WDR11: variants seen among roughly 807,000 people sequenced by gnomAD.
WDR11 encodes WD repeat domain 11.
A neutral mutation model predicts 151.2 loss-of-function variants in WDR11; 83 were observed. That is an observed-to-expected ratio of 0.55 (90% CI 0.46 to 0.66). The LOEUF is 0.66. Ranked by LOEUF, WDR11 falls within the 30% of genes least tolerant of loss-of-function variation. WDR11 has a pLI of 0.00. For missense variants in WDR11, 1,301 were observed against 1,480.9 expected, an observed-to-expected ratio of 0.88 and a Z score of 1.99; for synonymous variants, 484 against 533.1, an observed-to-expected ratio of 0.91 and a Z score of 1.27.
chr10:120,901,775 A>G (rs1351383598), intron 21 of WDR11, among the ~76,000 whole-genome samples: 1 of 152,236 alleles, frequency 6.6e-6, no homozygotes, highest in Non-Finnish European at 1.5e-5. Context: ...GATTTAAAGA[A>G]TGTCTTCCTT....
intron 21 of WDR11, among the ~76,000 whole-genome samples, chr10:120,901,394 G>A (rs768849567): frequency 1.3e-5 from 2 of 152,200 alleles, no homozygotes; most frequent in African/African-American, 4.8e-5. Context: ...TTGTAGCTCA[G>A]CTTGCCTCTA....
Position 120,909,174 on chromosome 10 carries a change from A to G in WDR11, c.*461A>G, listed in dbSNP as rs1848193064. 6.0e-6 allele frequency: 1 copy of G among 166,776 alleles called. No individual in the cohort carries two copies. Among genetic ancestry groups the G allele is most frequent in the South Asian group, 1.5e-4 (1 of 6,576 alleles). 10.3% of individuals were successfully genotyped at this position (166,776 alleles called of 1,614,324 possible). On this transcript the variant is annotated 3_prime_UTR_variant, in exon 29 of 29. Coordinates refer to ENST00000263461, the MANE Select transcript of WDR11 (RefSeq NM_018117.12). ...ATACAAACAAGGCAGAAACATTTAA[A>G]CTAGTATTAAAGGTAGTTTACCAAA...
intron 14 of WDR11, among the ~76,000 whole-genome samples, chr10:120,884,341 A>G (rs899717397): frequency 4.6e-5 from 7 of 152,190 alleles, no homozygotes; most frequent in South Asian, 2.1e-4. Context: ...GAACAGACCC[A>G]TGAATATTTG....
At chr10:120,876,593 A>G (rs899761358) in intron 11 of WDR11, among the ~76,000 whole-genome samples, 24 of 152,120 alleles carry the variant, frequency 1.6e-4, no homozygotes, top group African/African-American at 5.6e-4. Context: ...CTCTGCTTAC[A>G]CTGCTGAATC....
intron 7 of WDR11, among the ~76,000 whole-genome samples, chr10:120,866,297 G>C (rs1846308289): frequency 6.6e-6 from 1 of 151,914 alleles, no homozygotes. Context: ...TATCACTGTT[G>C]ATCCTTTTTC....
chr10:120,857,723 C>T (rs562391466), intron 2 of WDR11, among the ~76,000 whole-genome samples: 20 of 152,138 alleles, frequency 1.3e-4, no homozygotes, highest in Non-Finnish European at 2.5e-4. Context: ...TATCTGTACA[C>T]ATATATAGGT....
At chr10:120,898,835 A>C (rs3781246) in intron 19 of WDR11, among the ~76,000 whole-genome samples, 1 of 149,682 alleles carries the variant, frequency 6.7e-6, no homozygotes, top group South Asian at 2.1e-4. Flanking sequence ...TTTATAAATT[A>C]CCCTGTCTCA....
intron 27 of WDR11, chr10:120,906,412 TCAC>T (rs1848047753): frequency 8.0e-7 from 1 of 1,244,970 alleles, no homozygotes; most frequent in African/African-American, 1.5e-5. Flanking sequence ...GGAACAACCA[TCAC>T]TAATTGTGGA....
At chr10:120,852,709 A>C in intron 2 of WDR11, 74 bp downstream of exon 2, 63 of 1,286,732 alleles carry the variant, frequency 4.9e-5, no homozygotes, top group Non-Finnish European at 6.5e-5. Flanking sequence ...CTAAGCTCTC[A>C]TTAAGTCTTA....
chr10:120,852,874 A>G (rs1845828312), intron 2 of WDR11, among the ~76,000 whole-genome samples: 1 of 152,196 alleles, frequency 6.6e-6, no homozygotes, highest in Admixed American at 6.5e-5. Flanking sequence ...TTACAAGACC[A>G]CTCAGTCATT....
chr10:120,885,663 CTAAG>C lies in WDR11; in HGVS notation c.1849-148_1849-145del, dbSNP rs370222431. 1.9e-5 allele frequency: 19 copies of C among 1,017,738 alleles called. No homozygotes were observed. The African/African-American group carries it at 2.4e-4, about 13-fold the overall frequency. The allele number at this position is 1,017,738 out of a possible 1,614,324, so 63.0% of individuals were successfully genotyped here. On this transcript the variant is annotated intron_variant, in intron 14 of 28. Coordinates refer to ENST00000263461, the MANE Select transcript of WDR11 (RefSeq NM_018117.12). ...TAAAATGCATTCATTTAGCCTTTCT[CTAAG>C]TAGGTAAAATCTAAAGAACAAATGT...
chr10:120,884,277 C>G (rs551577436), intron 14 of WDR11, among the ~76,000 whole-genome samples: 51 of 152,152 alleles, frequency 3.4e-4, no homozygotes, highest in South Asian at 4.2e-4. Context: ...GAAATAAAAT[C>G]AGTATTGTAT....
chr10:120,859,705 T>G (rs1011532036), intron 3 of WDR11, among the ~76,000 whole-genome samples: 1 of 152,200 alleles, frequency 6.6e-6, no homozygotes, highest in African/African-American at 2.4e-5. Flanking sequence ...ATTCTGTTTA[T>G]TTTTTGAAAA....
In WDR11 at chr10:120,906,876, T is replaced by C. The variant is rs184422397; in HGVS notation, c.3517+21T>C. 8 of 1,614,162 alleles carry C rather than the reference T, an allele frequency of 5.0e-6. No homozygotes were observed. The East Asian group carries it at 1.6e-4, about 31-fold the overall frequency. ...CACAGATATCCTTTGCAAGGTTGTT[T>C]GTAGTGACGAGGAAGAAAGTGACAT... On this transcript the variant is annotated intron_variant, in intron 28 of 28. Transcript: ENST00000263461.
At chr10:120,885,971 G>A (rs375531530) in intron 15 of WDR11, 33 bp downstream of exon 15, 53 of 1,611,408 alleles carry the variant, frequency 3.3e-5, no homozygotes, top group Non-Finnish European at 4.5e-5. Context: ...ACTGTCATTT[G>A]TGCCATTAGC....
At chr10:120,869,287 G>GT (rs1038186701) in intron 9 of WDR11, among the ~76,000 whole-genome samples, 9 of 150,912 alleles carry the variant, frequency 6.0e-5, no homozygotes, top group African/African-American at 1.2e-4. Context: ...ATTTTTTTGT[G>GT]TTTTTTTAGT....
intron 15 of WDR11, 120 bp downstream of exon 15, chr10:120,886,058 T>A: frequency 7.8e-7 from 1 of 1,287,640 alleles, no homozygotes; most frequent in Non-Finnish European, 1.1e-6. Context: ...TGAACATACT[T>A]AGTTTCATCT....
rs954316951 is a variant in WDR11, at chr10:120,865,982, T to C, written c.994+238T>C. Among the ~76,000 whole-genome samples the C allele has an allele frequency of 2.0e-5, 3 of 151,730 alleles. No homozygotes were observed. The South Asian group carries it at 6.2e-4, about 31-fold the overall frequency. ...TAAAATTTTGTGTTTCTTGATCATA[T>C]CCATGAGCCAAGTAGATATTATTTT... On this transcript the variant is annotated intron_variant, in intron 7 of 28. Transcript: ENST00000263461.
chr10:120,885,311 A>G (rs1033181027), intron 14 of WDR11, among the ~76,000 whole-genome samples: 5 of 152,104 alleles, frequency 3.3e-5, no homozygotes, highest in African/African-American at 9.6e-5. Flanking sequence ...ACACACACAC[A>G]TATAAACACA....
Sources: gnomAD v4.1 joint callset for allele counts (sites outside exome capture counted in the v4.1 genomes callset) on GRCh38, gnomAD v4.1.1 for gene constraint, MANE v1.5 for transcripts, NCBI Gene and HGNC (gene_info 2026-07-23, HGNC 2026-07-21) for gene names.